Variants in XYLB observed in about 807,000 individuals in gnomAD.
The protein encoded by XYLB is xylulokinase, also known as xylulose kinase.
A neutral mutation model predicts 78.7 loss-of-function variants in XYLB; 62 were observed. The observed-to-expected ratio is 0.79, with a 90% CI of 0.64 to 0.97. The LOEUF (loss-of-function observed/expected upper bound fraction) is 0.97, where lower values mean the gene tolerates loss of function less well. Among genes scored for constraint, XYLB ranks in the 50% least tolerant of loss-of-function variants. The pLI is 0.00. For missense variants in XYLB, 687 were observed against 676.8 expected (o/e 1.02, Z -0.17); for synonymous variants, 245 against 247.4 (o/e 0.99, Z 0.09).
In XYLB at chr3:38,413,178, A is replaced by G. The variant is rs1478494261; in HGVS notation, c.*165A>G. On this transcript the variant is annotated 3_prime_UTR_variant, in exon 19 of 19. Transcript: ENST00000207870. ...TTAAAGCCGCCCTCAGCACATCTGC[A>G]TGAAGATAGATAGGCACTCCTGTCC... The G allele has an allele frequency of 1.1e-5, 6 of 555,790 alleles. No homozygotes were observed. Among genetic ancestry groups the G allele is most frequent in the Non-Finnish European group, 1.8e-5 (6 of 337,496 alleles). 34.4% of individuals were successfully genotyped at this position (555,790 alleles called of 1,614,324 possible).
intron 15 of XYLB, among the ~76,000 whole-genome samples, chr3:38,384,826 G>A (rs1449820745): frequency 1.3e-5 from 2 of 152,082 alleles, no homozygotes; most frequent in African/African-American, 2.4e-5. Context: ...GTGTGTGTGT[G>A]TATATATTTA....
intron 2 of XYLB, among the ~76,000 whole-genome samples, chr3:38,357,722 C>T (rs147455920): frequency 2.7e-4 from 41 of 152,232 alleles, no homozygotes; most frequent in African/African-American, 7.5e-4. Flanking sequence ...TAATTACAGA[C>T]GGCAGCCATC....
At chr3:38,405,936 A>G (rs1708301815) in intron 18 of XYLB, among the ~76,000 whole-genome samples, 1 of 152,242 alleles carries the variant, frequency 6.6e-6, no homozygotes, top group African/African-American at 2.4e-5. Context: ...CTGCCTCTGT[A>G]GGCTCCACCT....
At chr3:38,440,778 C>G in the XYLB span, among the ~76,000 whole-genome samples, 43 of 152,290 alleles carry the variant, frequency 2.8e-4, no homozygotes, top group African/African-American at 1.0e-3. Context: ...GAATAGGGTA[C>G]ACACTTTTTT....
At chr3:38,416,282 A>G (rs1708791030), downstream of XYLB, among the ~76,000 whole-genome samples, 2 of 152,020 alleles carry the variant, frequency 1.3e-5, no homozygotes, top group Non-Finnish European at 2.9e-5. Flanking sequence ...TAAAGTTGAC[A>G]AACCAAGTAT....
chr3:38,379,861 CT>C (rs1164391325), intron 15 of XYLB, among the ~76,000 whole-genome samples: 6 of 152,194 alleles, frequency 3.9e-5, no homozygotes, highest in African/African-American at 9.7e-5. Context: ...AACAGAATAC[CT>C]GTTCCTGGGT....
In XYLB at chr3:38,404,079, A is replaced by G. The variant is rs142546945; in HGVS notation, c.1533+3094A>G. Reference sequence around the variant, plus strand: ...TGCTCAAGGGGAAACTCAAAGCAGTAAGAATGTTTTCTCCCTTAGCTCAGC... The same window carrying G: ...TGCTCAAGGGGAAACTCAAAGCAGTGAGAATGTTTTCTCCCTTAGCTCAGC... On this transcript the variant is annotated intron_variant, in intron 18 of 18. Coordinates refer to ENST00000207870, the MANE Select transcript of XYLB (RefSeq NM_005108.4). Among the ~76,000 whole-genome samples, 564 of 152,324 alleles carry G rather than the reference A, an allele frequency of 3.7e-3. 2 individuals are homozygous for G. The highest frequency in any genetic ancestry group is 0.017 in the South Asian group (83 of 4,830).
intron 2 of XYLB, among the ~76,000 whole-genome samples, chr3:38,349,442 G>A (rs146337275): frequency 6.6e-5 from 10 of 152,288 alleles, no homozygotes; most frequent in Admixed American, 6.5e-4. Context: ...GAACAGATTC[G>A]GAGCATTGCT....
chr3:38,410,670 A>G (rs1708539747), intron 18 of XYLB, among the ~76,000 whole-genome samples: 1 of 152,156 alleles, frequency 6.6e-6, no homozygotes, highest in Admixed American at 6.5e-5. Flanking sequence ...TCTACAATGA[A>G]CTCAAACAAA....
At chr3:38,379,750 G>A (rs898936570) in intron 15 of XYLB, among the ~76,000 whole-genome samples, 6 of 152,176 alleles carry the variant, frequency 3.9e-5, no homozygotes, top group Non-Finnish European at 8.8e-5. Flanking sequence ...TTGCCTGTGG[G>A]ACACAGTCTG....
intron 18 of XYLB, among the ~76,000 whole-genome samples, chr3:38,408,702 A>C (rs1708441123): frequency 6.6e-6 from 1 of 151,596 alleles, no homozygotes; most frequent in Admixed American, 6.6e-5. Context: ...GATAAAGGGG[A>C]TATCACCACC....
the XYLB span, among the ~76,000 whole-genome samples, chr3:38,450,511 T>C: frequency 6.6e-6 from 1 of 152,218 alleles, no homozygotes; most frequent in Non-Finnish European, 1.5e-5. Context: ...AATGCCTTAA[T>C]GGCAGAATTC....
At chr3:38,435,977 A>C in the XYLB span, among the ~76,000 whole-genome samples, 3 of 152,216 alleles carry the variant, frequency 2.0e-5, no homozygotes, top group Non-Finnish European at 4.4e-5. Context: ...TACATCAAAA[A>C]ATAGAAAGAT....
intron 18 of XYLB, among the ~76,000 whole-genome samples, chr3:38,405,260 G>A (rs1708265187): frequency 6.6e-6 from 1 of 151,566 alleles, no homozygotes. Flanking sequence ...GGGTAGACCA[G>A]GCACGGTGGC....
At chr3:38,429,200 G>C in the XYLB span, among the ~76,000 whole-genome samples, 1 of 152,048 alleles carries the variant, frequency 6.6e-6, no homozygotes, top group Non-Finnish European at 1.5e-5. Context: ...GCTATTATTG[G>C]ACTAGCATAA....
In XYLB at chr3:38,400,864, T is replaced by A. The variant is rs758512123; in HGVS notation, c.1439-27T>A. 8 of 1,599,970 alleles carry A rather than the reference T, an allele frequency of 5.0e-6. No individual in the cohort carries two copies. The Admixed American group carries it at 1.4e-4, about 27-fold the overall frequency. On this transcript the variant is annotated intron_variant, in intron 17 of 18. Coordinates refer to ENST00000207870, the MANE Select transcript of XYLB (RefSeq NM_005108.4). ...TAACGTCTTCACTTGCAACATGCACTAATGTGAAGTGACCTTTCCCTTCTA... is the reference window on the plus strand; with the variant it reads ...TAACGTCTTCACTTGCAACATGCACAAATGTGAAGTGACCTTTCCCTTCTA...
chr3:38,423,197 C>T (rs9879824), downstream of XYLB, among the ~76,000 whole-genome samples: 16,992 of 152,050 alleles, frequency 0.11, 1,453 homozygotes, highest in African/African-American at 0.24. Context: ...CTCAGCCTCC[C>T]GAGTAGCTGG....
At chr3:38,395,689 C>T in intron 16 of XYLB, 126 bp downstream of exon 16, 1 of 992,212 alleles carries the variant, frequency 1.0e-6, no homozygotes, top group South Asian at 1.4e-5. Flanking sequence ...TCTTAGCTCA[C>T]ACTCCAGGAA....
rs774325923 is a variant in XYLB at position 38,366,863 on chromosome 3, C to T, written c.563C>T (p.Ser188Leu). The change falls in exon 7 of 19, where the codon TCA (serine) becomes TTA (leucine). Residue 188 changes from serine to leucine, a missense_variant. Ser to Leu is a moderately radical substitution (Grantham distance 145). Transcript: ENST00000207870. ...TACCAGCAGAACCCCGAGGCCTACT[C>T]ACATACGGAGGTTGGTTAAATGTTC... Reference protein sequence around the residue: ...KIYQQNPEAYSHTERISLVSS... With the variant: ...KIYQQNPEAYLHTERISLVSS... The T allele has an allele frequency of 3.1e-6, 5 of 1,611,244 alleles. No individual in the cohort carries two copies. The African/African-American group carries it at 4.0e-5, about 13-fold the overall frequency.
Sources: allele counts gnomAD v4.1 joint callset (sites outside exome capture counted in the v4.1 genomes callset), GRCh38; gene constraint gnomAD v4.1.1; transcripts MANE v1.5; gene names NCBI Gene and HGNC (gene_info 2026-07-23, HGNC 2026-07-21).